PCDHA9: variants seen among roughly 807,000 people sequenced by gnomAD.
PCDHA9 encodes protocadherin alpha-9.
PCDHA9 carries 62 observed loss-of-function variants against 62.0 expected under a neutral mutation model. That is an observed-to-expected ratio of 1.00 (90% CI 0.81 to 1.23). PCDHA9 has a LOEUF of 1.23. PCDHA9 is among the 50% of genes most tolerant of loss of function. The pLI is 0.00. For missense variants in PCDHA9, 1,205 were observed against 1,249.8 expected (o/e 0.96, Z 0.54); for synonymous variants, 557 against 567.6 (o/e 0.98, Z 0.27).
intron 3 of PCDHA9, among the ~76,000 whole-genome samples, chr5:140,987,298 G>A (rs2097247103): frequency 6.6e-6 from 1 of 152,086 alleles, no homozygotes; most frequent in South Asian, 2.1e-4. Context: ...AGCCTTCTAT[G>A]TGATACCAAT....
chr5:140,855,994 G>A (rs941733432), intron 1 of PCDHA9: 1 of 1,498,182 alleles, frequency 6.7e-7, no homozygotes, highest in Non-Finnish European at 9.0e-7. Flanking sequence ...ATGTCAGATC[G>A]TATGTGCGTT....
intron 3 of PCDHA9, among the ~76,000 whole-genome samples, chr5:140,997,698 ATGTT>A (rs1297045627): frequency 1.4e-5 from 2 of 145,558 alleles, no homozygotes; most frequent in African/African-American, 5.1e-5. Flanking sequence ...GTGTGTGTGT[ATGTT>A]AACAAACACC....
At chr5:140,895,968 G>C (rs190056652) in intron 1 of PCDHA9, among the ~76,000 whole-genome samples, 4 of 151,938 alleles carry the variant, frequency 2.6e-5, no homozygotes, top group African/African-American at 4.8e-5. Flanking sequence ...CTGTCACCAG[G>C]CCTAGCTAAT....
chr5:140,906,534 A>G (rs7704223), intron 1 of PCDHA9, among the ~76,000 whole-genome samples: 49,309 of 152,142 alleles, frequency 0.32, 8,308 homozygotes, highest in East Asian at 0.53. Flanking sequence ...GACAATTAAA[A>G]TCCTCATTTC....
chr5:140,852,028 T>A, intron 1 of PCDHA9: 1 of 943,108 alleles, frequency 1.1e-6, no homozygotes, highest in Non-Finnish European at 1.3e-6. Context: ...AAACTTCGCT[T>A]ATTGAGTTTT....
intron 1 of PCDHA9, among the ~76,000 whole-genome samples, chr5:140,964,638 A>T (rs1402541821): frequency 3.9e-5 from 6 of 152,098 alleles, no homozygotes; most frequent in Admixed American, 2.0e-4. Context: ...ATTTATTTTC[A>T]GAAACAAGTA....
rs2052689459 is a variant in PCDHA9, at chr5:140,871,081, G to T, written c.2394+20192G>T. 9 of 1,613,214 alleles carry T rather than the reference G, an allele frequency of 5.6e-6. No homozygotes were observed. The African/African-American group carries it at 6.7e-5, about 12-fold the overall frequency. On this transcript the variant is annotated intron_variant, in intron 1 of 3. Coordinates refer to ENST00000532602, the MANE Select transcript of PCDHA9 (RefSeq NM_031857.2). ...GGATCACGGTGAGCCGGCGCTGACG[G>T]CCACGGCCACCGTGCTGGTGTCGTT... is the stretch of plus-strand genomic sequence containing the variant.
chr5:140,926,702 G>C (rs2083474783), intron 1 of PCDHA9: 1 of 832,476 alleles, frequency 1.2e-6, no homozygotes, highest in South Asian at 2.8e-5. Context: ...CCGGCTCCCA[G>C]CTGGCCAGCC....
intron 1 of PCDHA9, chr5:140,858,078 C>T (rs782110139): frequency 6.3e-7 from 1 of 1,597,798 alleles, no homozygotes; most frequent in South Asian, 1.1e-5. Context: ...GCACCCAAGG[C>T]CTCGTCGCGG....
intron 1 of PCDHA9, chr5:140,871,206 C>T (rs781837610): frequency 2.5e-6 from 4 of 1,613,668 alleles, no homozygotes; most frequent in African/African-American, 1.3e-5. Flanking sequence ...ACCTGATCAT[C>T]GCCATCTGCG....
intron 3 of PCDHA9, among the ~76,000 whole-genome samples, chr5:140,997,131 C>G (rs577407385): frequency 6.6e-6 from 1 of 152,008 alleles, no homozygotes; most frequent in Admixed American, 6.6e-5. Flanking sequence ...ACACAATGCC[C>G]CCACACCCCC....
At chr5:140,938,606 T>G (rs2092130259) in intron 1 of PCDHA9, among the ~76,000 whole-genome samples, 1 of 152,166 alleles carries the variant, frequency 6.6e-6, no homozygotes, top group African/African-American at 2.4e-5. Flanking sequence ...AATCTTGCAT[T>G]CTTGGAATAA....
In PCDHA9 at chr5:141,009,726, C is replaced by A. The variant is rs373683237; in HGVS notation, c.2642C>A (p.Pro881His). Residue 881 changes from proline to histidine, a missense_variant, in exon 4 of 4, where the codon CCC (proline) becomes CAC (histidine). By Grantham distance (77) the Pro-to-His change is moderately conservative (BLOSUM62 -2). Coordinates refer to ENST00000532602, the MANE Select transcript of PCDHA9 (RefSeq NM_031857.2). ...YGPGNPKQSGPGELPDKFIIP... is the reference protein window; with the variant it reads ...YGPGNPKQSGHGELPDKFIIP... The stretch of plus-strand genomic sequence containing the variant: ...CCAGGCAACCCCAAACAATCCGGTC[C>A]CGGTGAGTTGCCCGACAAATTCATT... 85 of 1,614,016 alleles carry A rather than the reference C, an allele frequency of 5.3e-5. No individual in the cohort carries two copies. Among genetic ancestry groups the A allele is most frequent in the Non-Finnish European group, 4.4e-5 (52 of 1,180,032 alleles).
intron 1 of PCDHA9, among the ~76,000 whole-genome samples, chr5:140,971,680 A>C (rs185214999): frequency 1.1e-4 from 17 of 152,268 alleles, no homozygotes; most frequent in African/African-American, 4.1e-4. Context: ...AGAGTAAGGG[A>C]ATTTGTACTC....
chr5:140,884,459 G>T (rs530412188), intron 1 of PCDHA9: 2 of 1,613,754 alleles, frequency 1.2e-6, no homozygotes, highest in South Asian at 2.2e-5. Flanking sequence ...CACCGAGGGC[G>T]CGTGCGCGCC....
intron 1 of PCDHA9, among the ~76,000 whole-genome samples, chr5:140,887,589 T>C (rs1271786236): frequency 6.6e-6 from 1 of 152,120 alleles, no homozygotes; most frequent in Non-Finnish European, 1.5e-5. Context: ...CTTTTGCAGA[T>C]TGATTGTGAT....
chr5:140,946,294 A>G (rs529202868), intron 1 of PCDHA9, among the ~76,000 whole-genome samples: 1 of 152,056 alleles, frequency 6.6e-6, no homozygotes, highest in Admixed American at 6.5e-5. Flanking sequence ...ATCACCTCAC[A>G]CCTGGTAGAA....
At chr5:140,942,731 T>C (rs1404765148) in intron 1 of PCDHA9, among the ~76,000 whole-genome samples, 4 of 152,052 alleles carry the variant, frequency 2.6e-5, no homozygotes, top group Non-Finnish European at 5.9e-5. Flanking sequence ...TGTTGAAAAA[T>C]ATTTTAAAAT....
chr5:140,897,311 C>T (rs1460942002), intron 1 of PCDHA9, among the ~76,000 whole-genome samples: 7 of 150,308 alleles, frequency 4.7e-5, no homozygotes, highest in Non-Finnish European at 7.4e-5. Context: ...TTAGGTATAT[C>T]TCCTAAAGCT....
Sources: gnomAD v4.1 joint callset for allele counts (sites outside exome capture counted in the v4.1 genomes callset) on GRCh38, gnomAD v4.1.1 for gene constraint, MANE v1.5 for transcripts, NCBI Gene and HGNC (gene_info 2026-07-23, HGNC 2026-07-21) for gene names.